PTPRN2: variants seen among roughly 807,000 people sequenced by gnomAD.
PTPRN2 encodes receptor-type tyrosine-protein phosphatase N2.
Under a neutral mutation model 118.8 loss-of-function variants are expected in PTPRN2, and 74 were observed. The observed-to-expected ratio is 0.62, with a 90% confidence interval of 0.52 to 0.76. The LOEUF (loss-of-function observed/expected upper bound fraction) is 0.76. Among genes scored for constraint, PTPRN2 ranks in the 30% least tolerant of loss-of-function variants. The pLI is 0.00. For synonymous variants in PTPRN2, 641 were observed against 608.0 expected (o/e 1.05, Z -0.80); for missense variants, 1,481 against 1,394.4 (o/e 1.06, Z -0.99).
chr7:158,244,194 G>A (rs1057499942), intron 3 of PTPRN2, among the ~76,000 whole-genome samples: 3 of 152,228 alleles, frequency 2.0e-5, no homozygotes, highest in African/African-American at 7.2e-5. Context: ...AGAAGGGAAA[G>A]GCCAGGCTCT....
At chr7:157,724,210 G>A (rs976583713) in intron 12 of PTPRN2, among the ~76,000 whole-genome samples, 4 of 152,154 alleles carry the variant, frequency 2.6e-5, no homozygotes, top group South Asian at 2.1e-4. Context: ...TCTGAATTGC[G>A]CTGGTTTACG....
Position 158,003,600 on chromosome 7 carries a change from G to A in PTPRN2, c.1723+77698C>T, listed in dbSNP as rs773594476. 1.1e-4 allele frequency among the ~76,000 whole-genome samples: 17 copies of A among 152,070 alleles called. No individual in the cohort carries two copies. The highest frequency in any genetic ancestry group is 1.9e-4 in the Non-Finnish European group (13 of 68,000). On this transcript the variant is annotated intron_variant, in intron 11 of 22. Transcript: ENST00000389418. This position sits in a 1 kb window ranked among gnomAD's most constrained non-coding sequence, Gnocchi z 5.0. ...CCAGGAACAAGCCCTGCCCACAGGCGTCCCAGACCCAGGCCTTGGGGACTG... is the reference window on the plus strand; with the variant it reads ...CCAGGAACAAGCCCTGCCCACAGGCATCCCAGACCCAGGCCTTGGGGACTG...
Position 157,576,189 on chromosome 7 carries a change from C to T in PTPRN2, c.2783+424G>A, listed in dbSNP as rs551452346. The stretch of plus-strand genomic sequence containing the variant: ...CAGACAGCCACGGGCTAAGTGTCTC[C>T]GGGCTTCCCTGCAAGATCACGCAGG... On this transcript the variant is annotated intron_variant, in intron 19 of 22. Coordinates refer to ENST00000389418, the MANE Select transcript of PTPRN2 (RefSeq NM_002847.5). Among the ~76,000 whole-genome samples the T allele has an allele frequency of 3.3e-5, 5 of 152,272 alleles. No individual in the cohort carries two copies. In the South Asian group the frequency reaches 6.2e-4, roughly 19 times the overall value.
At chr7:158,050,481 G>C (rs539013053) in intron 11 of PTPRN2, among the ~76,000 whole-genome samples, 203 of 152,272 alleles carry the variant, frequency 1.3e-3, no homozygotes, top group Non-Finnish European at 2.5e-3. Flanking sequence ...AACTCCTCCT[G>C]CTGTTCTTAG....
At chr7:157,952,525 G>A (rs1432048283) in intron 11 of PTPRN2, among the ~76,000 whole-genome samples, 1 of 152,016 alleles carries the variant, frequency 6.6e-6, no homozygotes, top group African/African-American at 2.4e-5. Context: ...GTGGTGGAAC[G>A]TGGGTAGGTG....
chr7:158,251,842 A>G (rs1796702453), intron 3 of PTPRN2, among the ~76,000 whole-genome samples: 1 of 152,250 alleles, frequency 6.6e-6, no homozygotes, highest in South Asian at 2.1e-4. Context: ...AGCCCAGAGT[A>G]TGCTCAGCAC....
chr7:157,745,805 G>GA (rs1181722692), intron 12 of PTPRN2, among the ~76,000 whole-genome samples: 5 of 152,298 alleles, frequency 3.3e-5, no homozygotes, highest in African/African-American at 1.2e-4. Flanking sequence ...GTCGGTAAAT[G>GA]AAACCTAACA....
chr7:157,764,697 A>C lies in PTPRN2; in HGVS notation c.1789-81760T>G, dbSNP rs553141380. Among the ~76,000 whole-genome samples the C allele has an allele frequency of 6.6e-6, 1 of 152,364 alleles. No homozygotes were observed. The highest frequency in any genetic ancestry group is 2.1e-4 in the South Asian group (1 of 4,832). On this transcript the variant is annotated intron_variant, in intron 12 of 22. Transcript: ENST00000389418. The surrounding 1 kb of genome is among the most constrained non-coding windows in gnomAD (Gnocchi z 4.5). ...AATACTACCACTAAATTGTACATTTAAAGGTTAAAAATCACAAATGTTATA... is the reference window on the plus strand; with the variant it reads ...AATACTACCACTAAATTGTACATTTCAAGGTTAAAAATCACAAATGTTATA...
chr7:157,949,681 A>G (rs2164215), intron 11 of PTPRN2, among the ~76,000 whole-genome samples: 18,032 of 152,284 alleles, frequency 0.12, 1,859 homozygotes, highest in East Asian at 0.47. Flanking sequence ...ACCCTTAGGA[A>G]CAAGTGGTAA....
At chr7:158,498,763 T>A (rs773551755) in intron 1 of PTPRN2, among the ~76,000 whole-genome samples, 1 of 152,252 alleles carries the variant, frequency 6.6e-6, no homozygotes, top group Non-Finnish European at 1.5e-5. Context: ...GTAGCCAGGC[T>A]ATGCCGGGGA....
intron 12 of PTPRN2, chr7:157,740,413 C>G (rs956166208): frequency 1.3e-5 from 2 of 149,472 alleles, no homozygotes; most frequent in East Asian, 4.0e-4. Context: ...TCCGGAACAT[C>G]GTCTCCCTCC....
chr7:158,110,474 C>G (rs1475166625), intron 10 of PTPRN2, among the ~76,000 whole-genome samples: 1 of 152,200 alleles, frequency 6.6e-6, no homozygotes, highest in East Asian at 1.9e-4. Context: ...GTGTCCACAG[C>G]AGGTGCTCAT....
intron 2 of PTPRN2, among the ~76,000 whole-genome samples, chr7:158,384,397 G>A (rs1414857602): frequency 6.6e-6 from 1 of 152,176 alleles, no homozygotes; most frequent in African/African-American, 2.4e-5. Flanking sequence ...GATGCCAGGG[G>A]CAGCACCCAA....
intron 1 of PTPRN2, among the ~76,000 whole-genome samples, chr7:158,523,442 T>C: frequency 7.8e-6 from 1 of 127,958 alleles, no homozygotes. Context: ...GAGTCTGCCC[T>C]GGAGCGGAGT....
At chr7:158,252,164 C>T (rs1212821700) in intron 3 of PTPRN2, among the ~76,000 whole-genome samples, 1 of 152,206 alleles carries the variant, frequency 6.6e-6, no homozygotes, top group Non-Finnish European at 1.5e-5. Context: ...CCTCAAGCCT[C>T]AGCTGCTTGG....
At chr7:158,193,057 G>A (rs1361994557) in intron 4 of PTPRN2, among the ~76,000 whole-genome samples, 5 of 152,226 alleles carry the variant, frequency 3.3e-5, no homozygotes, top group South Asian at 2.1e-4. Context: ...CAGCCCCTCC[G>A]CTGCAGTCCC....
At chr7:157,653,544 C>T (rs539671148) in intron 14 of PTPRN2, among the ~76,000 whole-genome samples, 24 of 152,202 alleles carry the variant, frequency 1.6e-4, no homozygotes, top group Middle Eastern at 3.4e-3. Context: ...CTGTAGCTTC[C>T]GAGCCTAAAA....
intron 12 of PTPRN2, among the ~76,000 whole-genome samples, chr7:157,754,614 G>A (rs886211304): frequency 5.3e-5 from 8 of 152,226 alleles, no homozygotes; most frequent in African/African-American, 1.7e-4. Flanking sequence ...GGAGGAGGCC[G>A]AGGCTCCGGC....
intron 12 of PTPRN2, among the ~76,000 whole-genome samples, chr7:157,752,420 G>C (rs149978102): frequency 2.0e-5 from 3 of 152,174 alleles, no homozygotes; most frequent in Non-Finnish European, 4.4e-5. Context: ...ACGTGCCCTC[G>C]TCCAGTCTCC....
Sources: gnomAD v4.1 joint callset for allele counts (sites outside exome capture counted in the v4.1 genomes callset) on GRCh38, gnomAD v4.1.1 for gene constraint, Gnocchi (gnomAD v3.1) non-coding constraint, MANE v1.5 for transcripts, NCBI Gene and HGNC (gene_info 2026-07-23, HGNC 2026-07-21) for gene names.